The following ZFYVE19 variants were observed in gnomAD, a reference collection of about 807,000 sequenced individuals.
The protein encoded by ZFYVE19 is abscission/NoCut checkpoint regulator.
In ZFYVE19, 49 loss-of-function variants were observed where a neutral mutation model predicts 62.8. The ratio of observed to expected loss-of-function variants is 0.78; its 90% confidence interval spans 0.62 to 0.99. The LOEUF (loss-of-function observed/expected upper bound fraction) is 0.99, where lower values mean the gene tolerates loss of function less well. ZFYVE19 is among the 50% of genes least tolerant of loss of function. ZFYVE19 has a pLI of 0.00. For missense variants in ZFYVE19, 630 were observed against 601.9 expected, an observed-to-expected ratio of 1.05 and a Z score of -0.49; for synonymous variants, 242 against 234.3, an observed-to-expected ratio of 1.03 and a Z score of -0.30.
Position 40,810,154 on chromosome 15 carries a change from GA to G in ZFYVE19, c.658del (p.Met220TrpfsTer38). 6.2e-7 allele frequency: 1 copy of G among 1,614,154 alleles called. No individual in the cohort carries two copies. The highest frequency in any genetic ancestry group is 8.5e-7 in the Non-Finnish European group (1 of 1,180,030). Reference protein sequence around the residue: ...ERQGSIPSTQEMEARLAALQG... With the variant: ...ERQGSIPSTQXMEARLAALQG... ...TCAGGGTTCCATCCCTTCCACCCAG[GA>G]AATGGAGGCACGACTTGCAGCGTTG... On this transcript the variant is annotated frameshift_variant, in exon 5 of 11. Transcript: ENST00000355341. LOFTEE classifies it high-confidence loss of function.
chr15:40,812,718 T>G lies in ZFYVE19; in HGVS notation c.846T>G (p.Asp282Glu), dbSNP rs764591636. ...TTCCAGCTGCCTCTCTCCAGAATGA[T>G]CTCAACCAGGGTGGCCCAGGGAGCA... is the stretch of plus-strand genomic sequence containing the variant. ...GGGPAASLQNDLNQGGPGSTN... is the reference protein window; with the variant it reads ...GGGPAASLQNELNQGGPGSTN... The change falls in exon 7 of 11, where the codon GAT (aspartate) becomes GAG (glutamate). Residue 282 changes from aspartate (D) to glutamate (E), a missense_variant. Asp to Glu is a conservative substitution (Grantham distance 45). Coordinates refer to ENST00000355341, the MANE Select transcript of ZFYVE19 (RefSeq NM_001077268.2). 34 of 1,608,280 alleles carry G rather than the reference T, an allele frequency of 2.1e-5. No homozygotes were observed. The highest frequency in any genetic ancestry group is 2.8e-5 in the Non-Finnish European group (33 of 1,179,974).
Position 40,810,214 on chromosome 15 carries a change from C to G in ZFYVE19, c.715C>G (p.Pro239Ala). The change falls in exon 5 of 11, where the codon CCG (proline) becomes GCG (alanine). Residue 239 changes from proline (P) to alanine (A), a missense_variant and splice_region_variant. Transcript: ENST00000355341. ...AGTTCTACCTTCTCAAACCCCCCAG[C>G]CGGTGAGTGTTATGGCTTAGGAGAG... ...GRVLPSQTPQ[P>A]AHHTPDTRTQ... 1.9e-6 allele frequency: 3 copies of G among 1,614,108 alleles called. No individual in the cohort carries two copies. The highest frequency in any genetic ancestry group is 2.5e-6 in the Non-Finnish European group (3 of 1,180,012).
rs932328328 is a variant in ZFYVE19, at chr15:40,807,929, C to T, written c.279+61C>T. ...GAGGAGAGGAGGGAAAAGCGCGGGA[C>T]TTAACGTCCAAAGACTTGGTCTTAC... is the stretch of plus-strand genomic sequence containing the variant. On this transcript the variant is annotated intron_variant, in intron 1 of 10. Transcript: ENST00000355341. 2.4e-5 allele frequency: 37 copies of T among 1,546,500 alleles called. No homozygotes were observed. In the Middle Eastern group the frequency reaches 5.1e-4, roughly 21 times the overall value.
At chr15:40,808,223 C>G (rs897304775) in intron 1 of ZFYVE19, 3 of 1,594,634 alleles carry the variant, frequency 1.9e-6, no homozygotes, top group Non-Finnish European at 2.5e-6. Flanking sequence ...GCCCGTTACT[C>G]CCTCTGCTCT....
intron 6 of ZFYVE19, 142 bp from the exon 7 acceptor site, chr15:40,812,557 A>AAAGG: frequency 4.3e-6 from 2 of 464,446 alleles, no homozygotes; most frequent in South Asian, 6.8e-5. Flanking sequence ...AAAAAAAAAA[A>AAAGG]AAAGAAAGAA....
chr15:40,813,447 T>G (rs1413748640), intron 8 of ZFYVE19, 30 bp downstream of exon 8: 2 of 1,570,550 alleles, frequency 1.3e-6, no homozygotes, highest in Admixed American at 3.7e-5. Flanking sequence ...CTGCCACCCC[T>G]TGTCCCGTCT....
intron 1 of ZFYVE19, chr15:40,808,601 G>T (rs1016817645): frequency 2.1e-6 from 1 of 486,360 alleles, no homozygotes. Flanking sequence ...GGATAATCAC[G>T]GTTGGCATCA....
Position 40,807,701 on chromosome 15 carries a change from T to TGGGGC in ZFYVE19, c.118_122dup (p.Arg48LysfsTer63), listed in dbSNP as rs142730574. On this transcript the variant is annotated frameshift_variant, in exon 1 of 11. Coordinates refer to ENST00000355341, the MANE Select transcript of ZFYVE19 (RefSeq NM_001077268.2). LOFTEE classifies it high-confidence loss of function. The stretch of plus-strand genomic sequence containing the variant: ...CGGCGGGACAGTGCCAGTGGGCGTG[T>TGGGGC]GGGGCGGGGCAGGGCAGGGAAGGGA... The TGGGGC allele has an allele frequency of 0.36, 573,737 of 1,596,386 alleles. 104,562 individuals are homozygous for TGGGGC. The highest frequency in any genetic ancestry group is 0.47 in the South Asian group (42,240 of 89,210).
chr15:40,813,475 C>T (rs1890563711), intron 8 of ZFYVE19, 58 bp downstream of exon 8: 2 of 1,493,608 alleles, frequency 1.3e-6, no homozygotes, highest in Non-Finnish European at 1.8e-6. Context: ...ATTGCCCCAC[C>T]TCTACTCTGG....
chr15:40,810,050 C>G (rs577887603), intron 4 of ZFYVE19, 21 bp from the exon 5 acceptor site: 1 of 1,614,166 alleles, frequency 6.2e-7, no homozygotes, highest in Middle Eastern at 1.6e-4. Context: ...CCTTACAAGG[C>G]TCCCCCCATG....
Position 40,812,797 on chromosome 15 carries a change from C to T in ZFYVE19, c.925C>T (p.Leu309=). 1 of 1,613,568 alleles carries T rather than the reference C, an allele frequency of 6.2e-7. No individual in the cohort carries two copies. Among genetic ancestry groups the T allele is most frequent in the Non-Finnish European group, 8.5e-7 (1 of 1,180,014 alleles). ...CTTGGAGGAGGAGAAGAGCAGACTG[C>T]TGGCTGAGGCAGCACTTGAGTTGCG... ...WSLEEEKSRL[L]AEAALELREE... Residue 309 remains leucine (L), a synonymous_variant, in exon 7 of 11, where the codon CTG becomes TTG. Transcript: ENST00000355341.
rs558357063 is a variant in ZFYVE19, at chr15:40,813,787, G to T, written c.1185G>T (p.Thr395=). The T allele has an allele frequency of 1.9e-6, 3 of 1,613,900 alleles. No individual in the cohort carries two copies. The South Asian group carries it at 3.3e-5, about 18-fold the overall frequency. The change falls in exon 9 of 11, where the codon ACG becomes ACT. Residue 395 remains threonine, a synonymous_variant. Coordinates refer to ENST00000355341, the MANE Select transcript of ZFYVE19 (RefSeq NM_001077268.2). The part of the protein sequence containing the change: ...IPAEQASRPW[T]QPRGAEPEAQ... ...CAGAGCAGGCTTCTCGACCCTGGAC[G>T]CAACCCCGCGGGGCAGAGCCTGAGG...
intron 1 of ZFYVE19, chr15:40,808,169 T>G (rs1890337699): frequency 8.4e-6 from 13 of 1,541,160 alleles, no homozygotes; most frequent in Non-Finnish European, 8.7e-7. Flanking sequence ...GCGGTTTTCT[T>G]CTCTCCACCC....
chr15:40,808,006 A>T, intron 1 of ZFYVE19, 138 bp downstream of exon 1: 1 of 1,202,344 alleles, frequency 8.3e-7, no homozygotes, highest in Non-Finnish European at 1.2e-6. Flanking sequence ...CTCAGTTTCC[A>T]TTTCTGTAAA....
Position 40,814,216 on chromosome 15 carries a change from A to G in ZFYVE19, c.1406A>G (p.Gln469Arg). Residue 469 changes from glutamine (Q) to arginine (R), a missense_variant, in exon 11 of 11, where the codon CAA (glutamine) becomes CGA (arginine). By Grantham distance (43) the Gln-to-Arg change is conservative. Transcript: ENST00000355341. ...GCCTACTCTCCTCCACGTGCAGGCC[A>G]AGAGCACTGAAGACACCCTGGTCCT... ...TSAYSPPRAG[Q>R]EH The G allele has an allele frequency of 6.2e-7, 1 of 1,614,170 alleles. No homozygotes were observed. Among genetic ancestry groups the G allele is most frequent in the Non-Finnish European group, 8.5e-7 (1 of 1,180,032 alleles).
chr15:40,808,842 T>C, intron 1 of ZFYVE19: 1 of 384,692 alleles, frequency 2.6e-6, no homozygotes, highest in Non-Finnish European at 4.8e-6. Context: ...TACTGGGCTT[T>C]ATCTATCTGT....
intron 6 of ZFYVE19, 130 bp from the exon 7 acceptor site, chr15:40,812,569 G>GA: frequency 1.9e-6 from 1 of 531,526 alleles, no homozygotes; most frequent in East Asian, 3.4e-5. Flanking sequence ...AAGAAAGAAA[G>GA]AAAGAAAGAA....
In ZFYVE19 at chr15:40,807,793, C is replaced by A; in HGVS notation, c.204C>A (p.Asp68Glu). The stretch of plus-strand genomic sequence containing the variant: ...GCCGGCGTGATCTCAGCTCTGCAGA[C>A]CCTGCGGTGCTGGGAGCCACCATGG... ...GLGRRDLSSA[D>E]PAVLGATMES... Residue 68 changes from aspartate to glutamate, a missense_variant, in exon 1 of 11, where the codon GAC becomes GAA. By Grantham distance (45) the Asp-to-Glu change is conservative. Coordinates refer to ENST00000355341, the MANE Select transcript of ZFYVE19 (RefSeq NM_001077268.2). The A allele has an allele frequency of 6.4e-7, 1 of 1,566,240 alleles. No individual in the cohort carries two copies. Among genetic ancestry groups the A allele is most frequent in the South Asian group, 1.2e-5 (1 of 85,822 alleles).
At chr15:40,813,015 G>A in intron 7 of ZFYVE19, 113 bp downstream of exon 7, 1 of 1,226,034 alleles carries the variant, frequency 8.2e-7, no homozygotes, top group Non-Finnish European at 1.1e-6. Flanking sequence ...GCCCAGCCCA[G>A]AGCCACAAGG....
Sources: allele counts gnomAD v4.1 joint callset, GRCh38; gene constraint gnomAD v4.1.1; transcripts MANE v1.5; gene names NCBI Gene and HGNC (gene_info 2026-07-23, HGNC 2026-07-21).